The following FRMD4B variants were observed in gnomAD, a reference collection of about 807,000 sequenced individuals.
FRMD4B encodes FERM domain containing 4B, also known as FERM domain-containing protein 4B.
A neutral mutation model predicts 141.5 loss-of-function variants in FRMD4B; 74 were observed. The observed-to-expected ratio is 0.52, with a 90% CI of 0.43 to 0.63. The LOEUF (loss-of-function observed/expected upper bound fraction) is 0.63, where lower values mean the gene tolerates loss of function less well. Among genes scored for constraint, FRMD4B ranks in the 30% least tolerant of loss-of-function variants. The pLI, the probability that FRMD4B is intolerant of heterozygous loss-of-function variation, is 0.00. For synonymous variants in FRMD4B, 506 were observed against 467.9 expected (o/e 1.08, Z -1.05); for missense variants, 1,366 against 1,253.4 (o/e 1.09, Z -1.36).
intron 4 of FRMD4B, 116 bp from the exon 5 acceptor site, chr3:69,287,952 C>T: frequency 1.7e-6 from 1 of 594,824 alleles, no homozygotes; most frequent in East Asian, 2.8e-5. Context: ...GAAGGTTGTG[C>T]TTTCTTTTCC....
At chr3:69,509,939 T>A (rs1008258992) in intron 1 of FRMD4B, among the ~76,000 whole-genome samples, 1 of 151,422 alleles carries the variant, frequency 6.6e-6, no homozygotes, top group Non-Finnish European at 1.5e-5. Flanking sequence ...AAAGTTCTGT[T>A]TACACTCTAC....
chr3:69,423,980 T>A (rs1705030062), intron 2 of FRMD4B, among the ~76,000 whole-genome samples: 1 of 152,150 alleles, frequency 6.6e-6, no homozygotes. Flanking sequence ...ATGGACAAAG[T>A]TCCTAAGTGG....
intron 1 of FRMD4B, among the ~76,000 whole-genome samples, chr3:69,464,931 T>C (rs1346470172): frequency 6.6e-6 from 1 of 151,974 alleles, no homozygotes; most frequent in Non-Finnish European, 1.5e-5. Flanking sequence ...CAAGGGGAAA[T>C]AACAAAGAGA....
chr3:69,304,250 G>A (rs567944216), intron 3 of FRMD4B, among the ~76,000 whole-genome samples: 11 of 151,590 alleles, frequency 7.3e-5, no homozygotes, highest in Admixed American at 1.3e-4. Flanking sequence ...TTGGGAGGCC[G>A]AGGTGGGCAG....
chr3:69,192,113 G>A (rs974923402), intron 17 of FRMD4B, among the ~76,000 whole-genome samples: 2 of 152,158 alleles, frequency 1.3e-5, no homozygotes, highest in South Asian at 4.1e-4. Flanking sequence ...GGCTGGGCGT[G>A]GTGGCTCACA....
chr3:69,431,145 G>A (rs1705172225), intron 2 of FRMD4B, among the ~76,000 whole-genome samples: 2 of 152,214 alleles, frequency 1.3e-5, no homozygotes, highest in Admixed American at 1.3e-4. Context: ...GGTGAGGCTA[G>A]AGACAATGTC....
intron 1 of FRMD4B, among the ~76,000 whole-genome samples, chr3:69,433,677 C>A (rs4855406): frequency 0.67 from 102,393 of 152,132 alleles, 35,030 homozygotes; most frequent in East Asian, 0.85. Flanking sequence ...GCAGGAACTC[C>A]ATATTCAAGG....
chr3:69,220,089 T>C lies in FRMD4B; in HGVS notation c.732-1710A>G, dbSNP rs1305949231. The stretch of plus-strand genomic sequence containing the variant: ...TTTGTAATATACAGTCACACATTGC[T>C]TAACAATGAAGATACATTCTGAGAA... On this transcript the variant is annotated intron_variant, in intron 9 of 22. Transcript: ENST00000398540. 2.0e-5 allele frequency among the ~76,000 whole-genome samples: 3 copies of C among 152,228 alleles called. No individual in the cohort carries two copies. The East Asian group carries it at 5.8e-4, about 29-fold the overall frequency.
intron 4 of FRMD4B, among the ~76,000 whole-genome samples, chr3:69,300,121 T>C (rs1315586413): frequency 6.6e-6 from 1 of 152,182 alleles, no homozygotes; most frequent in Non-Finnish European, 1.5e-5. Context: ...CTCACTTCAC[T>C]GGAGCACAAG....
Position 69,313,497 on chromosome 3 carries a change from G to A in FRMD4B, c.183C>T (p.Cys61=), listed in dbSNP as rs1701676777. 1 of 1,570,564 alleles carries A rather than the reference G, an allele frequency of 6.4e-7. No homozygotes were observed. The change falls in exon 2 of 23, where the codon TGC becomes TGT. Residue 61 remains cysteine, a synonymous_variant. Coordinates refer to ENST00000398540, the MANE Select transcript of FRMD4B (RefSeq NM_015123.3). ...TCCTATCATCCAGGAGGTGCACCTG[G>A]CAGTGCCTGCCTTCTGTCATCTGCA... The part of the protein sequence containing the change: ...DVYQMTEGRH[C]QVHLLDDRRL...
chr3:69,480,504 G>C (rs1706101011), intron 1 of FRMD4B, among the ~76,000 whole-genome samples: 1 of 152,174 alleles, frequency 6.6e-6, no homozygotes, highest in Non-Finnish European at 1.5e-5. Flanking sequence ...TATCCGCAGT[G>C]GTGGCTGCAG....
intron 7 of FRMD4B, among the ~76,000 whole-genome samples, chr3:69,236,412 A>G (rs1212394964): frequency 2.6e-5 from 4 of 152,004 alleles, no homozygotes; most frequent in Non-Finnish European, 5.9e-5. Context: ...TATGTTTAGT[A>G]GAGATGGAGT....
chr3:69,299,172 G>GAAGA (rs1701130419), intron 4 of FRMD4B, among the ~76,000 whole-genome samples: 1 of 152,100 alleles, frequency 6.6e-6, no homozygotes, highest in Non-Finnish European at 1.5e-5. Context: ...ATGAAGGAAG[G>GAAGA]AAGAAATGTT....
intron 9 of FRMD4B, among the ~76,000 whole-genome samples, 186 bp from the exon 10 acceptor site, chr3:69,218,565 G>A (rs1225054072): frequency 6.6e-6 from 1 of 152,086 alleles, no homozygotes; most frequent in Non-Finnish European, 1.5e-5. Context: ...CCAAATGTCA[G>A]GAAAATGCTA....
rs1017892250 is a variant in FRMD4B at position 69,185,760 on chromosome 3, G to A, written c.1919+2010C>T. The stretch of plus-strand genomic sequence containing the variant: ...TGGGACACAGTAAGTACTCAATAGC[G>A]GCCAGTTGTAGTGACTCATGCCTGT... On this transcript the variant is annotated intron_variant, in intron 19 of 22. Coordinates refer to ENST00000398540, the MANE Select transcript of FRMD4B (RefSeq NM_015123.3). Among the ~76,000 whole-genome samples, 24 of 152,160 alleles carry A rather than the reference G, an allele frequency of 1.6e-4. 1 individual carries two copies. The highest frequency in any genetic ancestry group is 5.8e-4 in the East Asian group (3 of 5,182).
At chr3:69,309,748 A>C (rs1455707861) in intron 3 of FRMD4B, among the ~76,000 whole-genome samples, 1 of 151,988 alleles carries the variant, frequency 6.6e-6, no homozygotes, top group Non-Finnish European at 1.5e-5. Context: ...CACCCGGCCA[A>C]TATTTTTTCA....
At chr3:69,533,242 C>A (rs539858007) in intron 1 of FRMD4B, among the ~76,000 whole-genome samples, 1 of 152,302 alleles carries the variant, frequency 6.6e-6, no homozygotes, top group African/African-American at 2.4e-5. Context: ...GTGAGGCAGG[C>A]TCTTGGGAGA....
intron 5 of FRMD4B, among the ~76,000 whole-genome samples, chr3:69,278,588 CAG>C (rs2093629201): frequency 6.9e-6 from 1 of 143,896 alleles, no homozygotes; most frequent in Non-Finnish European, 1.5e-5. Flanking sequence ...TGAGTCACCC[CAG>C]TGGCCCCAAA....
At chr3:69,257,830 T>A (rs1236256796) in intron 5 of FRMD4B, among the ~76,000 whole-genome samples, 1 of 151,288 alleles carries the variant, frequency 6.6e-6, no homozygotes, top group African/African-American at 2.4e-5. Flanking sequence ...CCTGGCTAAT[T>A]TTTGTTTTGT....
Sources: allele counts gnomAD v4.1 joint callset (sites outside exome capture counted in the v4.1 genomes callset), GRCh38; gene constraint gnomAD v4.1.1; transcripts MANE v1.5; gene names NCBI Gene and HGNC (gene_info 2026-07-23, HGNC 2026-07-21).